PTPN13: variants seen among roughly 807,000 people sequenced by gnomAD.
PTPN13 encodes the protein protein tyrosine phosphatase non-receptor type 13, also known as tyrosine-protein phosphatase non-receptor type 13.
A neutral mutation model predicts 284.0 loss-of-function variants in PTPN13; 191 were observed. That is an observed-to-expected ratio of 0.67 (90% CI 0.60 to 0.76). The LOEUF is 0.76. PTPN13 is among the 30% of genes least tolerant of loss of function. The probability of loss-of-function intolerance (pLI) is 0.00; values close to 1 mark genes in which losing one functional copy is unlikely to be tolerated. For missense variants in PTPN13, 2,797 were observed against 2,939.9 expected (o/e 0.95, Z 1.12); for synonymous variants, 986 against 1,022.3 (o/e 0.96, Z 0.68).
At position 86,725,691 on chromosome 4, in the gene PTPN13, G is replaced by A. The variant is rs560079121; in HGVS notation, c.1608+3257G>A. 2.7e-5 allele frequency among the ~76,000 whole-genome samples: 4 copies of A among 149,422 alleles called. No homozygotes were observed. In the East Asian group the frequency reaches 7.8e-4, roughly 29 times the overall value. ...TTTGTTTGTTTCTTGTAAATTTGTT[G>A]AAGTTCTTTGTAGATTCTGGATATT... On this transcript the variant is annotated intron_variant, in intron 10 of 47. Transcript: ENST00000411767.
intron 1 of PTPN13, among the ~76,000 whole-genome samples, chr4:86,603,710 T>G (rs970257357): frequency 1.3e-5 from 2 of 152,122 alleles, no homozygotes; most frequent in African/African-American, 2.4e-5. Context: ...GTTTTACATG[T>G]CATTTTGTCT....
Position 86,701,536 on chromosome 4 carries a change from C to T in PTPN13, c.930C>T (p.Asp310=). ...ASSMDLLCTA[D]RDFSSGETAT... is the part of the protein sequence containing the mutation. The stretch of plus-strand genomic sequence containing the variant: ...CCATGGACTTGCTTTGTACAGCTGA[C>T]AGAGACTTCTCTTCAGGAGAGACTG... Residue 310 remains aspartate (D), a synonymous_variant, in exon 7 of 48, where the codon GAC becomes GAT. Coordinates refer to ENST00000411767, the MANE Select transcript of PTPN13 (RefSeq NM_080683.3). 1 of 1,613,916 alleles carries T rather than the reference C, an allele frequency of 6.2e-7. No homozygotes were observed.
intron 12 of PTPN13, 104 bp from the exon 13 acceptor site, chr4:86,734,199 A>T (rs2149135650): frequency 2.2e-6 from 2 of 907,142 alleles, no homozygotes; most frequent in Admixed American, 3.2e-5. Flanking sequence ...TTATATTCTC[A>T]TATGATACTC....
At chr4:86,761,293 ATTATAT>A (rs1013709406) in intron 23 of PTPN13, among the ~76,000 whole-genome samples, 1 of 151,658 alleles carries the variant, frequency 6.6e-6, no homozygotes, top group African/African-American at 2.4e-5. Context: ...TTAATGCAAC[ATTATAT>A]TTATGTTATA....
intron 30 of PTPN13, among the ~76,000 whole-genome samples, 156 bp from the exon 31 acceptor site, chr4:86,771,010 GTTATT>G (rs745921976): frequency 6.6e-6 from 1 of 152,030 alleles, no homozygotes; most frequent in Admixed American, 6.6e-5. Flanking sequence ...AATATTAACT[GTTATT>G]TTATATATTA....
At chr4:86,690,537 T>C (rs1332538137) in intron 5 of PTPN13, among the ~76,000 whole-genome samples, 1 of 152,096 alleles carries the variant, frequency 6.6e-6, no homozygotes, top group African/African-American at 2.4e-5. Context: ...TTTTCAGACA[T>C]TCTCATAAGA....
chr4:86,783,825 T>C (rs1741601575), intron 37 of PTPN13, among the ~76,000 whole-genome samples: 1 of 152,030 alleles, frequency 6.6e-6, no homozygotes, highest in African/African-American at 2.4e-5. Flanking sequence ...TAGGCTATGC[T>C]CCATGAAGTG....
At chr4:86,745,237 C>T (rs1565469510) in intron 17 of PTPN13, 109 bp downstream of exon 17, 2 of 1,008,330 alleles carry the variant, frequency 2.0e-6, no homozygotes, top group Non-Finnish European at 2.9e-6. Context: ...AATGTATATA[C>T]ATGTTAAATA....
At chr4:86,651,515 T>C (rs1725072871) in intron 2 of PTPN13, among the ~76,000 whole-genome samples, 1 of 152,146 alleles carries the variant, frequency 6.6e-6, no homozygotes, top group African/African-American at 2.4e-5. Flanking sequence ...AGTTTGGAAG[T>C]ATTCCCATCT....
chr4:86,713,791 G>A (rs148654126), intron 7 of PTPN13, among the ~76,000 whole-genome samples: 41 of 152,102 alleles, frequency 2.7e-4, no homozygotes, highest in Non-Finnish European at 4.3e-4. Flanking sequence ...TTCTTGGGGC[G>A]TGAACTCTCA....
In PTPN13 at chr4:86,659,866, A is replaced by C. The variant is rs145603610; in HGVS notation, c.116-12499A>C. On this transcript the variant is annotated intron_variant, in intron 2 of 47. Coordinates refer to ENST00000411767, the MANE Select transcript of PTPN13 (RefSeq NM_080683.3). ...GAAAAAAAAAAAAGAAAAAAACTTA[A>C]AAGCCACACGTGCCTGATAGCCACT... Among the ~76,000 whole-genome samples the C allele has an allele frequency of 8.8e-3, 1,346 of 152,208 alleles. 5 individuals carry two copies. Among genetic ancestry groups the C allele is most frequent in the Non-Finnish European group, 0.013 (908 of 67,986 alleles).
intron 2 of PTPN13, 40 bp from the exon 3 acceptor site, chr4:86,672,325 C>CTT: frequency 2.1e-6 from 3 of 1,448,020 alleles, no homozygotes; most frequent in Non-Finnish European, 1.8e-6. Context: ...CAATTTTCTT[C>CTT]TTTTTTTTTA....
rs995571100 is a variant in PTPN13 at position 86,604,727 on chromosome 4, AT to A, written c.-6+9945del. ...TTAGAAATGTTTTATAAATACATTT[AT>A]TTTTTTAATATCCTTTGTTTCTTGT... On this transcript the variant is annotated intron_variant, in intron 1 of 47. Transcript: ENST00000411767. Among the ~76,000 whole-genome samples, 32 of 151,970 alleles carry A rather than the reference AT, an allele frequency of 2.1e-4. 1 individual carries two copies. The highest frequency in any genetic ancestry group is 1.2e-3 in the Admixed American group (19 of 15,230).
intron 1 of PTPN13, among the ~76,000 whole-genome samples, chr4:86,600,432 CTTTTTTTTTT>C (rs10588960): frequency 9.9e-5 from 5 of 50,412 alleles, no homozygotes; most frequent in South Asian, 2.6e-3. Context: ...TACATAACCA[CTTTTTTTTTT>C]TTTTTTTTTT....
chr4:86,803,948 T>A (rs9985645), intron 43 of PTPN13, 91 bp downstream of exon 43: 165,081 of 1,424,018 alleles, frequency 0.12, 11,397 homozygotes, highest in African/African-American at 0.28. Flanking sequence ...ATTAGAAGAA[T>A]TTTTGAAAAT....
intron 10 of PTPN13, among the ~76,000 whole-genome samples, chr4:86,725,846 G>T (rs978372174): frequency 2.0e-5 from 3 of 149,484 alleles, no homozygotes; most frequent in Admixed American, 2.0e-4. Flanking sequence ...GTCTATTTTG[G>T]CTTTCGTTGC....
chr4:86,783,277 G>A (rs952091938), intron 37 of PTPN13, among the ~76,000 whole-genome samples: 1 of 152,096 alleles, frequency 6.6e-6, no homozygotes, highest in African/African-American at 2.4e-5. Flanking sequence ...TTTGTTATTT[G>A]TATGTGTTGA....
At chr4:86,776,924 T>G (rs774473302) in intron 35 of PTPN13, among the ~76,000 whole-genome samples, 5 of 152,206 alleles carry the variant, frequency 3.3e-5, no homozygotes, top group Non-Finnish European at 5.9e-5. Flanking sequence ...TCGATTGGCT[T>G]AAGCCAGTCC....
chr4:86,681,701 G>T (rs1380311970), intron 3 of PTPN13, among the ~76,000 whole-genome samples: 1 of 152,182 alleles, frequency 6.6e-6, no homozygotes, highest in Non-Finnish European at 1.5e-5. Context: ...ACCAAGGCAG[G>T]CAGATCACCT....
Sources: allele counts gnomAD v4.1 joint callset (sites outside exome capture counted in the v4.1 genomes callset), GRCh38; gene constraint gnomAD v4.1.1; transcripts MANE v1.5; gene names NCBI Gene and HGNC (gene_info 2026-07-23, HGNC 2026-07-21).